The following PCDH7 variants were observed in gnomAD, a reference collection of about 807,000 sequenced individuals.
The protein encoded by PCDH7 is protocadherin-7.
Under a neutral mutation model 58.9 loss-of-function variants are expected in PCDH7, and 17 were observed. The observed-to-expected ratio is 0.29, with a 90% confidence interval of 0.20 to 0.43. PCDH7 has a LOEUF of 0.43. PCDH7 is among the 20% of genes least tolerant of loss of function. The pLI is 1.00. For missense variants in PCDH7, 1,274 were observed against 1,441.0 expected, an observed-to-expected ratio of 0.88 and a Z score of 1.88; for synonymous variants, 664 against 616.4, an observed-to-expected ratio of 1.08 and a Z score of -1.14.
intron 1 of PCDH7, among the ~76,000 whole-genome samples, chr4:30,835,893 T>G (rs1730430150): frequency 6.6e-6 from 1 of 152,264 alleles, no homozygotes; most frequent in East Asian, 1.9e-4. Flanking sequence ...TTGTTCCAAA[T>G]AAGACATAGG....
At position 30,904,492 on chromosome 4, in the gene PCDH7, AT is replaced by A. The variant is rs558737720; in HGVS notation, c.71-15657del. ...AGATGATTCAATAGACAATTTACCC[AT>A]TTTAAAGTCAGTTGATTAACAAACT... On this transcript the variant is annotated intron_variant, in intron 1 of 3. Transcript: ENST00000509759. Among the ~76,000 whole-genome samples the A allele has an allele frequency of 8.5e-5, 13 of 152,250 alleles. No homozygotes were observed. The South Asian group carries it at 2.7e-3, about 32-fold the overall frequency.
chr4:30,862,958 A>C (rs1578086509), intron 1 of PCDH7, among the ~76,000 whole-genome samples: 1 of 152,200 alleles, frequency 6.6e-6, no homozygotes, highest in Non-Finnish European at 1.5e-5. Flanking sequence ...GGAATTAAAA[A>C]AAAAAGATTT....
intron 3 of PCDH7, among the ~76,000 whole-genome samples, chr4:30,976,948 G>A (rs990446326): frequency 6.6e-6 from 1 of 152,096 alleles, no homozygotes; most frequent in Non-Finnish European, 1.5e-5. Context: ...TTACCCAGTT[G>A]TCTCATAAGT....
At chr4:31,064,657 C>T (rs186207382) in intron 3 of PCDH7, among the ~76,000 whole-genome samples, 2 of 152,014 alleles carry the variant, frequency 1.3e-5, no homozygotes, top group African/African-American at 4.8e-5. Flanking sequence ...TCTGTCCTCA[C>T]GTGATGTTCA....
downstream of PCDH7, chr4:31,145,403 T>C (rs1412073824): frequency 1.3e-5 from 2 of 152,102 alleles, no homozygotes; most frequent in African/African-American, 2.4e-5. Flanking sequence ...TGTATGACTT[T>C]TATTTTAAAT....
At chr4:31,063,738 C>CT (rs1280823237) in intron 3 of PCDH7, among the ~76,000 whole-genome samples, 1 of 151,850 alleles carries the variant, frequency 6.6e-6, no homozygotes, top group Non-Finnish European at 1.5e-5. Flanking sequence ...CTGCCTCATT[C>CT]TATAGAGTAT....
At chr4:31,053,676 A>T (rs1756931026) in intron 3 of PCDH7, among the ~76,000 whole-genome samples, 1 of 152,112 alleles carries the variant, frequency 6.6e-6, no homozygotes, top group Non-Finnish European at 1.5e-5. Flanking sequence ...CTGTGACTTC[A>T]TGACCCTCTG....
intron 3 of PCDH7, among the ~76,000 whole-genome samples, chr4:31,007,948 C>A (rs1359854304): frequency 6.6e-6 from 1 of 152,046 alleles, no homozygotes; most frequent in African/African-American, 2.4e-5. Context: ...GTAAAATAAA[C>A]CTTCCTGTTA....
intron 3 of PCDH7, among the ~76,000 whole-genome samples, chr4:30,984,829 C>G (rs938746131): frequency 6.6e-6 from 1 of 152,066 alleles, no homozygotes; most frequent in Non-Finnish European, 1.5e-5. Flanking sequence ...AAGCCAGCAA[C>G]AGATGAGCAT....
chr4:30,814,102 A>C (rs1727353760), intron 1 of PCDH7, among the ~76,000 whole-genome samples: 1 of 152,060 alleles, frequency 6.6e-6, no homozygotes. Flanking sequence ...ACCTGTATTT[A>C]TGTATATTTA....
In PCDH7 at chr4:30,801,220, G is replaced by A. The variant is rs201523906; in HGVS notation, c.70+76624G>A. 1.6e-4 allele frequency among the ~76,000 whole-genome samples: 25 copies of A among 152,250 alleles called. No individual in the cohort carries two copies. In the East Asian group the frequency reaches 4.8e-3, roughly 29 times the overall value. On this transcript the variant is annotated intron_variant, in intron 1 of 3. Coordinates refer to the PCDH7 transcript ENST00000509759. ...GATAAGATATTTGCTTCAGATTTTA[G>A]TTTTGAACATTTTAATAAGAAAGTG...
chr4:31,025,925 G>C (rs1306798834), intron 3 of PCDH7, among the ~76,000 whole-genome samples: 1 of 152,158 alleles, frequency 6.6e-6, no homozygotes, highest in South Asian at 2.1e-4. Context: ...GACTAAAAAA[G>C]TAACAATGCT....
chr4:30,842,119 C>T (rs1004163387), intron 1 of PCDH7, among the ~76,000 whole-genome samples: 1 of 152,100 alleles, frequency 6.6e-6, no homozygotes, highest in Non-Finnish European at 1.5e-5. Flanking sequence ...GGGCTCAAGT[C>T]TTCCACCTCT....
intron 3 of PCDH7, among the ~76,000 whole-genome samples, chr4:31,012,659 T>A (rs1336663863): frequency 6.6e-6 from 1 of 150,638 alleles, no homozygotes; most frequent in African/African-American, 2.4e-5. Flanking sequence ...ACTAAAATAG[T>A]AAAAATAAGA....
rs556101260 is a variant in PCDH7, at chr4:31,115,283, A to G, written c.*8-27190A>G. On this transcript the variant is annotated intron_variant, in intron 3 of 3. Transcript: ENST00000509759. ...TTGGAAGATTTTTCTGTATAAAATGATTTTTAAAAGTATGTTAACTGGTAT... is the reference window on the plus strand; with the variant it reads ...TTGGAAGATTTTTCTGTATAAAATGGTTTTTAAAAGTATGTTAACTGGTAT... Among the ~76,000 whole-genome samples the G allele has an allele frequency of 7.2e-5, 11 of 152,242 alleles. No homozygotes were observed. In the East Asian group the frequency reaches 2.1e-3, roughly 29 times the overall value.
Position 31,097,134 on chromosome 4 carries a change from C to T in PCDH7, c.*8-45339C>T, listed in dbSNP as rs572292077. Among the ~76,000 whole-genome samples the T allele has an allele frequency of 1.4e-4, 21 of 152,218 alleles. 1 individual carries two copies. Among genetic ancestry groups the T allele is most frequent in the Admixed American group, 1.3e-3 (20 of 15,282 alleles). ...ATGACAAATAGAAAGTATGTGCCTG[C>T]TTGCCATTTTTTAGACCATGACATA... On this transcript the variant is annotated intron_variant, in intron 3 of 3. Coordinates refer to the PCDH7 transcript ENST00000509759.
chr4:31,017,590 T>C (rs1753719575), intron 3 of PCDH7, among the ~76,000 whole-genome samples: 1 of 152,100 alleles, frequency 6.6e-6, no homozygotes, highest in Non-Finnish European at 1.5e-5. Context: ...CATATATATA[T>C]GCATATGCAC....
intron 1 of PCDH7, among the ~76,000 whole-genome samples, chr4:30,810,774 C>T (rs886092957): frequency 4.6e-5 from 7 of 151,972 alleles, no homozygotes; most frequent in African/African-American, 1.7e-4. Flanking sequence ...CCACACCCGG[C>T]TAATTTTTGT....
At position 30,973,545 on chromosome 4, in the gene PCDH7, A is replaced by T. The variant is rs191470953; in HGVS notation, c.*7+23330A>T. On this transcript the variant is annotated intron_variant, in intron 3 of 3. Transcript: ENST00000509759. ...TAATAATTGAGATGTGAGGAAGGGG[A>T]CAAAAGCCAAGCATTAAGATTACTG... Among the ~76,000 whole-genome samples the T allele has an allele frequency of 5.3e-5, 8 of 152,284 alleles. No homozygotes were observed. The East Asian group carries it at 9.7e-4, about 18-fold the overall frequency.
Sources: allele counts gnomAD v4.1 joint callset (sites outside exome capture counted in the v4.1 genomes callset), GRCh38; gene constraint gnomAD v4.1.1; transcripts MANE v1.5; gene names NCBI Gene and HGNC (gene_info 2026-07-23, HGNC 2026-07-21).